Variants in PHACTR2 observed in about 807,000 individuals in gnomAD.
PHACTR2 encodes the protein phosphatase and actin regulator 2, also known as chromosome 6 open reading frame 56.
In PHACTR2, 30 loss-of-function variants were observed where a neutral mutation model predicts 76.0. The ratio of observed to expected loss-of-function variants is 0.39; its 90% CI spans 0.30 to 0.54. The LOEUF is 0.54. Ranked by LOEUF, PHACTR2 falls within the 20% of genes least tolerant of loss-of-function variation. The probability of loss-of-function intolerance (pLI) is 0.61; values close to 1 mark genes in which losing one functional copy is unlikely to be tolerated. For synonymous variants in PHACTR2, 292 were observed against 292.5 expected (o/e 1.00, Z 0.02); for missense variants, 696 against 781.1 (o/e 0.89, Z 1.30).
At chr6:143,747,425 G>T (rs1779091132) in intron 2 of PHACTR2, among the ~76,000 whole-genome samples, 1 of 152,220 alleles carries the variant, frequency 6.6e-6, no homozygotes, top group African/African-American at 2.4e-5. Context: ...TCTCCTATCA[G>T]TGTCCTTGCT....
At position 143,698,818 on chromosome 6, in the gene PHACTR2, T is replaced by G. The variant is rs1031114434; in HGVS notation, c.47-13198T>G. ...TAATAGCTGCTCAGTTAATTGTGCATGAATGTTTCCGTTCCACAGTGAACA... is the reference window on the plus strand; with the variant it reads ...TAATAGCTGCTCAGTTAATTGTGCAGGAATGTTTCCGTTCCACAGTGAACA... On this transcript the variant is annotated intron_variant, in intron 1 of 12. Transcript: ENST00000440869. The surrounding 1 kb of genome is among the most constrained non-coding windows in gnomAD (Gnocchi z 4.3). Among the ~76,000 whole-genome samples the G allele has an allele frequency of 1.3e-5, 2 of 152,256 alleles. No individual in the cohort carries two copies. The highest frequency in any genetic ancestry group is 4.8e-5 in the African/African-American group (2 of 41,464).
At position 143,772,280 on chromosome 6, in the gene PHACTR2, G is replaced by A. The variant is rs930566596; in HGVS notation, c.1255G>A (p.Gly419Arg). The change falls in exon 7 of 13, where the codon GGG becomes AGG. Residue 419 changes from glycine to arginine, a missense_variant. By Grantham distance (125) the Gly-to-Arg change is moderately radical. Transcript: ENST00000440869. This position sits in a 1 kb window ranked among gnomAD's most constrained non-coding sequence, Gnocchi z 5.4. ...AKCFTTKEEL[G>R]KTVPQLLTPG... is the part of the protein sequence containing the mutation. Reference sequence around the variant, plus strand: ...CAGTTTCACAACCAAAGAGGAGCTGGGGAAGACAGTGCCTCAGCTACTGAC... The same window carrying A: ...CAGTTTCACAACCAAAGAGGAGCTGAGGAAGACAGTGCCTCAGCTACTGAC... The A allele has an allele frequency of 3.7e-5, 60 of 1,613,216 alleles. No homozygotes were observed. Among genetic ancestry groups the A allele is most frequent in the Non-Finnish European group, 4.9e-5 (58 of 1,179,360 alleles).
chr6:143,709,459 G>A lies in PHACTR2; in HGVS notation c.47-2557G>A, dbSNP rs967055034. On this transcript the variant is annotated intron_variant, in intron 1 of 12. Coordinates refer to ENST00000440869, the MANE Select transcript of PHACTR2 (RefSeq NM_001100164.2). The surrounding 1 kb of genome is among the most constrained non-coding windows in gnomAD (Gnocchi z 4.4). ...CTTCATTCAGTTTGAGATTTTCCTG[G>A]TTCTTAGTGTGTCAAGTGATTTTCG... Among the ~76,000 whole-genome samples the A allele has an allele frequency of 6.6e-6, 1 of 152,126 alleles. No individual in the cohort carries two copies. The highest frequency in any genetic ancestry group is 1.5e-5 in the Non-Finnish European group (1 of 68,004).
intron 1 of PHACTR2, among the ~76,000 whole-genome samples, chr6:143,622,830 C>A (rs972816720): frequency 6.6e-6 from 1 of 152,036 alleles, no homozygotes; most frequent in African/African-American, 2.4e-5. Flanking sequence ...GTAATAATTA[C>A]AGTAACAAGT....
At chr6:143,644,285 G>A (rs951093999) in intron 1 of PHACTR2, among the ~76,000 whole-genome samples, 3 of 152,036 alleles carry the variant, frequency 2.0e-5, no homozygotes, top group African/African-American at 7.2e-5. Context: ...GGCTAACACG[G>A]TGAAACCCCA....
Position 143,701,743 on chromosome 6 carries a change from C to T in PHACTR2, c.47-10273C>T, listed in dbSNP as rs141217946. Among the ~76,000 whole-genome samples the T allele has an allele frequency of 1.7e-3, 262 of 152,292 alleles. 1 individual carries two copies. The highest frequency in any genetic ancestry group is 8.3e-3 in the South Asian group (40 of 4,824). ...AAAATGGGAATACTAATAGCAACTA[C>T]TTCGCAGGGTTGTAGTAATGATGAA... On this transcript the variant is annotated intron_variant, in intron 1 of 12. Coordinates refer to ENST00000440869, the MANE Select transcript of PHACTR2 (RefSeq NM_001100164.2).
chr6:143,608,430 G>A lies in PHACTR2; in HGVS notation c.13+108G>A, dbSNP rs1430882234. On this transcript the variant is annotated intron_variant, in intron 1 of 11. Transcript: ENST00000305766. This position sits in a 1 kb window ranked among gnomAD's most constrained non-coding sequence, Gnocchi z 4.6. ...TGTTGCTCTCGTTTTGCACTTAAATGTTCAAGACTGAGACGCGTGTAATAT... is the reference window on the plus strand; with the variant it reads ...TGTTGCTCTCGTTTTGCACTTAAATATTCAAGACTGAGACGCGTGTAATAT... 2.8e-6 allele frequency: 3 copies of A among 1,085,670 alleles called. No homozygotes were observed. Among genetic ancestry groups the A allele is most frequent in the Non-Finnish European group, 4.2e-6 (3 of 711,840 alleles). 67.3% of individuals were successfully genotyped at this position (1,085,670 alleles called of 1,614,324 possible).
In PHACTR2 at chr6:143,791,014, AC is replaced by A. The variant is rs1485052565; in HGVS notation, c.1845+2106del. On this transcript the variant is annotated intron_variant, in intron 11 of 12. Transcript: ENST00000440869. The surrounding 1 kb of genome is among the most constrained non-coding windows in gnomAD (Gnocchi z 4.7). ...AAACTTAATACAGTCGAATTTATCA[AC>A]CTTTTTCTTTATGGCTTATGATTTT... 2.0e-5 allele frequency among the ~76,000 whole-genome samples: 3 copies of A among 152,132 alleles called. No individual in the cohort carries two copies. The highest frequency in any genetic ancestry group is 4.8e-5 in the African/African-American group (2 of 41,414).
At position 143,589,003 on chromosome 6, in the gene PHACTR2, CA is replaced by C. The variant is rs1231425145; in HGVS notation, c.217+51799del. Among the ~76,000 whole-genome samples the C allele has an allele frequency of 3.3e-5, 5 of 152,304 alleles. No individual in the cohort carries two copies. Among genetic ancestry groups the C allele is most frequent in the Admixed American group, 3.3e-4 (5 of 15,302 alleles). ...TGAGTTCAATTCAACCTTCAAGGAACAAATCACTCTCATCGTATGAGTTTGC... is the reference window on the plus strand; with the variant it reads ...TGAGTTCAATTCAACCTTCAAGGAACAATCACTCTCATCGTATGAGTTTGC... On this transcript the variant is annotated intron_variant, in intron 1 of 11. Coordinates refer to the PHACTR2 transcript ENST00000367584. The surrounding 1 kb of genome is among the most constrained non-coding windows in gnomAD (Gnocchi z 4.4).
intron 1 of PHACTR2, among the ~76,000 whole-genome samples, chr6:143,640,797 C>T (rs1192173198): frequency 6.6e-6 from 1 of 152,092 alleles, no homozygotes; most frequent in East Asian, 1.9e-4. Context: ...AACCTGTGAA[C>T]GTGACTTTAT....
intron 1 of PHACTR2, among the ~76,000 whole-genome samples, chr6:143,545,047 G>A (rs1274340127): frequency 1.3e-5 from 2 of 151,766 alleles, no homozygotes; most frequent in Admixed American, 1.3e-4. Flanking sequence ...ATGTTCAAGC[G>A]ATTCTCCCAC....
Position 143,825,912 on chromosome 6 carries a change from A to G in PHACTR2, c.*2223A>G, listed in dbSNP as rs2128488258. On this transcript the variant is annotated 3_prime_UTR_variant, in exon 13 of 13. Coordinates refer to ENST00000440869, the MANE Select transcript of PHACTR2 (RefSeq NM_001100164.2). This position sits in a 1 kb window ranked among gnomAD's most constrained non-coding sequence, Gnocchi z 4.1. ...TTTTTTATTGCCTACAATGAGATACACTTAGTACAAAAAATGAAAATCTGG... is the reference window on the plus strand; with the variant it reads ...TTTTTTATTGCCTACAATGAGATACGCTTAGTACAAAAAATGAAAATCTGG... 1 of 152,274 alleles carries G rather than the reference A, an allele frequency of 6.6e-6. No individual in the cohort carries two copies. Among genetic ancestry groups the G allele is most frequent in the South Asian group, 2.1e-4 (1 of 4,830 alleles). 9.4% of individuals were successfully genotyped at this position (152,274 alleles called of 1,614,324 possible). A position where few individuals can be genotyped will look rare whatever the true frequency, so the allele number is the denominator to read the frequency against.
In PHACTR2 at chr6:143,803,298, A is replaced by G. The variant is rs749543460; in HGVS notation, c.1846-3759A>G. On this transcript the variant is annotated intron_variant, in intron 11 of 12. Coordinates refer to ENST00000440869, the MANE Select transcript of PHACTR2 (RefSeq NM_001100164.2). This position sits in a 1 kb window ranked among gnomAD's most constrained non-coding sequence, Gnocchi z 4.7. ...TGCAGTGGCTCACGCCTGTAGTTCCAGCACTTTGGGAGGCCGAAGTGGGGA... is the reference window on the plus strand; with the variant it reads ...TGCAGTGGCTCACGCCTGTAGTTCCGGCACTTTGGGAGGCCGAAGTGGGGA... Among the ~76,000 whole-genome samples, 6 of 152,232 alleles carry G rather than the reference A, an allele frequency of 3.9e-5. No homozygotes were observed. The highest frequency in any genetic ancestry group is 8.8e-5 in the Non-Finnish European group (6 of 68,036).
intron 2 of PHACTR2, among the ~76,000 whole-genome samples, chr6:143,724,442 AT>A (rs922631062): frequency 3.0e-4 from 45 of 151,918 alleles, no homozygotes; most frequent in African/African-American, 9.7e-5. Flanking sequence ...TAATTCTTTC[AT>A]TTTTTTCTAG....
At chr6:143,565,139 A>C (rs879819805) in intron 1 of PHACTR2, among the ~76,000 whole-genome samples, 1 of 152,228 alleles carries the variant, frequency 6.6e-6, no homozygotes, top group Non-Finnish European at 1.5e-5. Context: ...TCTCATTTTA[A>C]TGAGCACCTA....
At chr6:143,704,245 A>G (rs567103506) in intron 1 of PHACTR2, among the ~76,000 whole-genome samples, 1 of 152,212 alleles carries the variant, frequency 6.6e-6, no homozygotes, top group African/African-American at 2.4e-5. Context: ...GTTGAATACT[A>G]CTTACCTTAT....
At chr6:143,778,987 T>G (rs1775351853) in intron 9 of PHACTR2, among the ~76,000 whole-genome samples, 3 of 152,204 alleles carry the variant, frequency 2.0e-5, no homozygotes, top group African/African-American at 7.2e-5. Flanking sequence ...ACACTTCAGA[T>G]TTGACTCCAG....
At chr6:143,736,720 C>A (rs979882495) in intron 2 of PHACTR2, among the ~76,000 whole-genome samples, 3 of 151,310 alleles carry the variant, frequency 2.0e-5, no homozygotes, top group Non-Finnish European at 4.4e-5. Context: ...ACTACAGGCA[C>A]CCGCCACCAT....
rs775364382 is a variant in PHACTR2 at position 143,595,700 on chromosome 6, G to T, written c.217+58493G>T. Among the ~76,000 whole-genome samples the T allele has an allele frequency of 6.6e-6, 1 of 152,142 alleles. No homozygotes were observed. Among genetic ancestry groups the T allele is most frequent in the Non-Finnish European group, 1.5e-5 (1 of 68,040 alleles). Reference sequence around the variant, plus strand: ...TAGTTCCAGTACCCAGCCCTCTTTCGTGAAGAGGACTAGAGGTGGTTTTGT... The same window carrying T: ...TAGTTCCAGTACCCAGCCCTCTTTCTTGAAGAGGACTAGAGGTGGTTTTGT... On this transcript the variant is annotated intron_variant, in intron 1 of 11. Transcript: ENST00000367584. This position sits in a 1 kb window ranked among gnomAD's most constrained non-coding sequence, Gnocchi z 4.2.
Sources: allele counts gnomAD v4.1 joint callset (sites outside exome capture counted in the v4.1 genomes callset), GRCh38; gene constraint gnomAD v4.1.1; non-coding constraint Gnocchi (gnomAD v3.1); transcripts MANE v1.5; gene names NCBI Gene and HGNC (gene_info 2026-07-23, HGNC 2026-07-21).